The following MME variants were observed in gnomAD, a reference collection of about 807,000 sequenced individuals.
MME encodes neprilysin.
A neutral mutation model predicts 113.2 loss-of-function variants in MME; 98 were observed. The observed-to-expected ratio is 0.87, with a 90% CI of 0.74 to 1.02. The LOEUF (loss-of-function observed/expected upper bound fraction) is 1.02. MME is among the 50% of genes least tolerant of loss of function. The pLI is 0.00. For synonymous variants in MME, 292 were observed against 300.6 expected (o/e 0.97, Z 0.30); for missense variants, 836 against 896.0 (o/e 0.93, Z 0.86).
chr3:155,067,545 G>A (rs1476444713), intron 1 of MME, among the ~76,000 whole-genome samples: 2 of 151,822 alleles, frequency 1.3e-5, no homozygotes, highest in African/African-American at 2.4e-5. Flanking sequence ...TCCTGACCTC[G>A]TGATCTGCCC....
intron 3 of MME, among the ~76,000 whole-genome samples, chr3:155,093,999 A>G (rs1393297452): frequency 1.3e-5 from 2 of 152,166 alleles, no homozygotes; most frequent in Non-Finnish European, 2.9e-5. Flanking sequence ...CATACAATGT[A>G]TATTAGTTTA....
At chr3:155,029,126 G>A (rs115932805) in intron 1 of MME, among the ~76,000 whole-genome samples, 1 of 152,214 alleles carries the variant, frequency 6.6e-6, no homozygotes, top group Non-Finnish European at 1.5e-5. Context: ...CCAAATTTTT[G>A]CAGTTCATGC....
At position 155,168,614 on chromosome 3, in the gene MME, G is replaced by T. The variant is rs766507428; in HGVS notation, c.1903G>T (p.Gly635Cys). The T allele has an allele frequency of 5.6e-6, 9 of 1,613,848 alleles. No homozygotes were observed. The highest frequency in any genetic ancestry group is 5.1e-6 in the Non-Finnish European group (6 of 1,179,844). Residue 635 changes from glycine to cysteine, a missense_variant, in exon 19 of 23, where the codon GGT (glycine) becomes TGT (cysteine). Coordinates refer to ENST00000360490, the MANE Select transcript of MME (RefSeq NM_007289.4). ...TGGAAACTTTTCCTGGGACCTGGCA[G>T]GTGGACAGCACGTATGTCATTAGCA... is the stretch of plus-strand genomic sequence containing the variant. ...QYGNFSWDLAGGQHLNGINTL... is the reference protein window; with the variant it reads ...QYGNFSWDLACGQHLNGINTL...
At chr3:155,078,030 C>A (rs1410834861), upstream of MME, among the ~76,000 whole-genome samples, 1 of 149,570 alleles carries the variant, frequency 6.7e-6, no homozygotes, top group Non-Finnish European at 1.5e-5. Context: ...TATGGAGAAA[C>A]CCCGAAAGTA....
rs1240059565 is a variant in MME, at chr3:155,127,299, T to C, written c.720+8488T>C. Reference sequence around the variant, plus strand: ...ATGTCTGGGAGCCGGCTTTCTTTGATTTTTTGCTCTAACATCAACCTCCTC... The same window carrying C: ...ATGTCTGGGAGCCGGCTTTCTTTGACTTTTTGCTCTAACATCAACCTCCTC... On this transcript the variant is annotated intron_variant, in intron 8 of 22. Coordinates refer to ENST00000360490, the MANE Select transcript of MME (RefSeq NM_007289.4). 2.0e-5 allele frequency among the ~76,000 whole-genome samples: 3 copies of C among 152,156 alleles called. No homozygotes were observed. In the East Asian group the frequency reaches 5.8e-4, roughly 29 times the overall value.
chr3:155,063,486 T>C (rs372395032), intron 1 of MME, among the ~76,000 whole-genome samples: 2 of 55,604 alleles, frequency 3.6e-5, no homozygotes, highest in Non-Finnish European at 6.9e-5. Context: ...TATTATTTTA[T>C]ATATATATAT....
At chr3:155,050,250 T>A (rs1194207379) in intron 1 of MME, among the ~76,000 whole-genome samples, 1 of 152,186 alleles carries the variant, frequency 6.6e-6, no homozygotes, top group Non-Finnish European at 1.5e-5. Flanking sequence ...GGCATTTAGG[T>A]TGATTCTGTG....
At chr3:155,058,827 T>C (rs1349278982) in intron 1 of MME, among the ~76,000 whole-genome samples, 1 of 152,190 alleles carries the variant, frequency 6.6e-6, no homozygotes, top group Non-Finnish European at 1.5e-5. Context: ...CAAAACTGCT[T>C]CATGAAGAAG....
chr3:155,049,684 G>A (rs7649449), intron 1 of MME, among the ~76,000 whole-genome samples: 67,432 of 151,608 alleles, frequency 0.44, 18,049 homozygotes, highest in Non-Finnish European at 0.58. Flanking sequence ...TATATAGAGA[G>A]AGAACAGAAT....
intron 22 of MME, among the ~76,000 whole-genome samples, chr3:155,175,111 GA>G (rs568106274): frequency 4.7e-5 from 7 of 148,878 alleles, no homozygotes; most frequent in Non-Finnish European, 1.0e-4. Flanking sequence ...ACAATATCCT[GA>G]AAAAAAAAGC....
intron 3 of MME, among the ~76,000 whole-genome samples, chr3:155,104,250 A>G (rs4273335): frequency 0.17 from 25,592 of 152,114 alleles, 2,865 homozygotes; most frequent in Non-Finnish European, 0.25. Flanking sequence ...CAGTCTTTTC[A>G]TGCTTCACAA....
intron 1 of MME, among the ~76,000 whole-genome samples, chr3:155,046,647 G>T (rs545144746): frequency 6.6e-6 from 1 of 152,160 alleles, no homozygotes; most frequent in African/African-American, 2.4e-5. Flanking sequence ...CTGAGATCAC[G>T]CCACTGCCCT....
chr3:155,144,452 G>A lies in MME; in HGVS notation c.1411G>A (p.Glu471Lys). The A allele has an allele frequency of 6.2e-7, 1 of 1,608,178 alleles. No homozygotes were observed. Among genetic ancestry groups the A allele is most frequent in the Non-Finnish European group, 8.5e-7 (1 of 1,175,058 alleles). Residue 471 changes from glutamate to lysine, a missense_variant, in exon 14 of 23, where the codon GAA becomes AAA. By Grantham distance (56) the Glu-to-Lys change is moderately conservative. Transcript: ENST00000360490. ...TGCCGAGACAAAAAAGAGAGCTGAA[G>A]AAAAGGTAAAGAGCAGACAGCTAAC... Reference protein sequence around the residue: ...MDAETKKRAEEKALAIKERIG... With the variant: ...MDAETKKRAEKKALAIKERIG...
intron 13 of MME, among the ~76,000 whole-genome samples, chr3:155,143,776 G>T (rs146460894): frequency 1.4e-4 from 22 of 152,046 alleles, no homozygotes; most frequent in African/African-American, 5.1e-4. Context: ...TCCTAATACT[G>T]TCTAGTCTGA....
At chr3:155,175,651 C>A (rs1416335050) in intron 22 of MME, among the ~76,000 whole-genome samples, 1 of 152,094 alleles carries the variant, frequency 6.6e-6, no homozygotes, top group African/African-American at 2.4e-5. Flanking sequence ...TCAACATTAT[C>A]TTCCAGTCAG....
At chr3:155,046,076 C>CT (rs1713549553) in intron 1 of MME, among the ~76,000 whole-genome samples, 1 of 152,166 alleles carries the variant, frequency 6.6e-6, no homozygotes, top group South Asian at 2.1e-4. Flanking sequence ...TTTTGTGCCT[C>CT]TATCTCTTGC....
intron 21 of MME, 29 bp from the exon 22 acceptor site, chr3:155,172,507 T>A: frequency 1.3e-6 from 2 of 1,540,088 alleles, no homozygotes; most frequent in Non-Finnish European, 1.8e-6. Context: ...CCTGAGTACA[T>A]GCTTTGCTTT....
At chr3:155,156,866 A>G (rs947610921) in intron 16 of MME, among the ~76,000 whole-genome samples, 2 of 152,066 alleles carry the variant, frequency 1.3e-5, no homozygotes, top group Admixed American at 1.3e-4. Context: ...TCAGTTTTTA[A>G]GTTACACAAG....
intron 1 of MME, among the ~76,000 whole-genome samples, chr3:155,082,255 A>AG (rs1715217471): frequency 1.3e-5 from 2 of 152,150 alleles, no homozygotes; most frequent in Non-Finnish European, 2.9e-5. Context: ...GGAAGAACTA[A>AG]GAAAAAAAAA....
Sources: allele counts gnomAD v4.1 joint callset (sites outside exome capture counted in the v4.1 genomes callset), GRCh38; gene constraint gnomAD v4.1.1; transcripts MANE v1.5; gene names NCBI Gene and HGNC (gene_info 2026-07-23, HGNC 2026-07-21).